Variants in CLYBL observed in about 807,000 individuals in gnomAD.
CLYBL encodes the protein citramalyl-CoA lyase.
A neutral mutation model predicts 38.9 loss-of-function variants in CLYBL; 31 were observed. That is an observed-to-expected ratio of 0.80 (90% confidence interval 0.60 to 1.08). The LOEUF (loss-of-function observed/expected upper bound fraction) is 1.08. CLYBL is among the 50% of genes least tolerant of loss of function. The pLI is 0.00. For missense variants in CLYBL, 434 were observed against 411.6 expected, an observed-to-expected ratio of 1.05 and a Z score of -0.47; for synonymous variants, 171 against 158.6, an observed-to-expected ratio of 1.08 and a Z score of -0.59.
chr13:99,795,801 T>C (rs1198458978), intron 2 of CLYBL, among the ~76,000 whole-genome samples: 1 of 152,136 alleles, frequency 6.6e-6, no homozygotes, highest in Admixed American at 6.5e-5. Context: ...GGAGGGTGAA[T>C]TCTTGGAGCC....
chr13:99,717,436 G>GAA lies in CLYBL; in HGVS notation c.63-55368_63-55367dup, dbSNP rs1172721313. On this transcript the variant is annotated intron_variant, in intron 1 of 8. Coordinates refer to ENST00000339105, the MANE Select transcript of CLYBL (RefSeq NM_206808.5). ...GTGAGACTCTATCTCAAAAAAATTA[G>GAA]AAAAAAAAAAAAAAAAAAAAAGAAT... is the stretch of plus-strand genomic sequence containing the variant. 1.9e-3 allele frequency among the ~76,000 whole-genome samples: 176 copies of GAA among 91,102 alleles called. 3 individuals carry two copies. Among genetic ancestry groups the GAA allele is most frequent in the African/African-American group, 6.7e-3 (170 of 25,216 alleles). The allele number at this position is 91,102 out of a possible 152,430, so 59.8% of individuals were successfully genotyped here.
At chr13:99,658,152 G>C (rs1402289142) in intron 1 of CLYBL, among the ~76,000 whole-genome samples, 1 of 152,222 alleles carries the variant, frequency 6.6e-6, no homozygotes, top group Non-Finnish European at 1.5e-5. Context: ...GCCTGCGTGC[G>C]CTCTGCAGAG....
chr13:99,745,720 A>G (rs2048838456), intron 1 of CLYBL, among the ~76,000 whole-genome samples: 1 of 152,202 alleles, frequency 6.6e-6, no homozygotes. Flanking sequence ...CATACACGTG[A>G]TTCGTGATCA....
intron 1 of CLYBL, among the ~76,000 whole-genome samples, chr13:99,722,410 A>G (rs2048407148): frequency 6.8e-6 from 1 of 146,464 alleles, no homozygotes; most frequent in South Asian, 2.3e-4. Context: ...TGAGCTACGC[A>G]TGAAACCTTT....
intron 1 of CLYBL, among the ~76,000 whole-genome samples, chr13:99,678,620 A>AAAG (rs2047687816): frequency 6.6e-6 from 1 of 152,246 alleles, no homozygotes; most frequent in South Asian, 2.1e-4. Flanking sequence ...ATGCAGATGA[A>AAAG]TTTACACCAA....
intron 1 of CLYBL, among the ~76,000 whole-genome samples, chr13:99,730,726 C>T (rs1010395418): frequency 6.6e-6 from 1 of 152,108 alleles, no homozygotes; most frequent in Non-Finnish European, 1.5e-5. Context: ...GAGGGAGCCC[C>T]AGAGGCAGTG....
At chr13:99,667,161 G>C (rs1006175976) in intron 1 of CLYBL, among the ~76,000 whole-genome samples, 2 of 151,952 alleles carry the variant, frequency 1.3e-5, no homozygotes, top group Non-Finnish European at 2.9e-5. Context: ...GGGTCTTGGG[G>C]ACTGGGGGAC....
At chr13:99,612,699 T>G (rs2046646710) in intron 1 of CLYBL, among the ~76,000 whole-genome samples, 1 of 152,044 alleles carries the variant, frequency 6.6e-6, no homozygotes, top group African/African-American at 2.4e-5. Context: ...GGGTCTACTT[T>G]CTAAATATAA....
At chr13:99,796,912 C>A (rs2050032744) in intron 2 of CLYBL, among the ~76,000 whole-genome samples, 1 of 152,158 alleles carries the variant, frequency 6.6e-6, no homozygotes, top group African/African-American at 2.4e-5. Flanking sequence ...ACCTGCTTCC[C>A]TGGTAGGCTC....
At chr13:99,757,486 G>A (rs1450648216) in intron 1 of CLYBL, among the ~76,000 whole-genome samples, 1 of 151,766 alleles carries the variant, frequency 6.6e-6, no homozygotes, top group Admixed American at 6.6e-5. Flanking sequence ...ATGGAGTTTC[G>A]CTGTTGTTGC....
At chr13:99,894,739 G>GGT (rs1198723248), downstream of CLYBL, 2 of 95,128 alleles carry the variant, frequency 2.1e-5, no homozygotes, top group Non-Finnish European at 4.4e-5. Context: ...CCTGAGGCGG[G>GGT]GGGGGGGGGG....
intron 7 of CLYBL, among the ~76,000 whole-genome samples, chr13:99,884,037 C>T (rs1270910431): frequency 6.6e-6 from 1 of 152,188 alleles, no homozygotes; most frequent in Non-Finnish European, 1.5e-5. Flanking sequence ...CACTCTGTCA[C>T]CCAGGCTGGA....
At chr13:99,643,898 G>A (rs572023696) in intron 1 of CLYBL, among the ~76,000 whole-genome samples, 2 of 151,274 alleles carry the variant, frequency 1.3e-5, no homozygotes, top group Non-Finnish European at 2.9e-5. Flanking sequence ...CCAACTTTTC[G>A]GGAGGCTGAG....
chr13:99,639,641 C>T (rs889772381), intron 1 of CLYBL, among the ~76,000 whole-genome samples: 1 of 152,180 alleles, frequency 6.6e-6, no homozygotes, highest in African/African-American at 2.4e-5. Flanking sequence ...ACCTGTAATA[C>T]CAGCACTTTG....
intron 7 of CLYBL, among the ~76,000 whole-genome samples, chr13:99,880,544 C>T (rs1040168157): frequency 2.6e-5 from 4 of 152,242 alleles, no homozygotes; most frequent in Non-Finnish European, 5.9e-5. Context: ...GTCCACATCC[C>T]TAACCTCTGC....
chr13:99,732,303 A>G (rs1239490696), intron 1 of CLYBL, among the ~76,000 whole-genome samples: 1 of 150,190 alleles, frequency 6.7e-6, no homozygotes, highest in Non-Finnish European at 1.5e-5. Context: ...CTTCCACCTC[A>G]GCGTCCCCCA....
intron 1 of CLYBL, among the ~76,000 whole-genome samples, chr13:99,659,765 G>C (rs1260915964): frequency 2.0e-5 from 3 of 152,136 alleles, no homozygotes; most frequent in Non-Finnish European, 4.4e-5. Flanking sequence ...TATAGTAATA[G>C]TCACCAGAAG....
intron 2 of CLYBL, among the ~76,000 whole-genome samples, chr13:99,780,302 CT>C (rs1429469911): frequency 2.0e-5 from 3 of 152,118 alleles, no homozygotes; most frequent in Non-Finnish European, 4.4e-5. Flanking sequence ...CATTTTCATC[CT>C]TTTGCTTTCA....
chr13:99,714,000 G>T (rs1444887897), intron 1 of CLYBL, among the ~76,000 whole-genome samples: 1 of 132,204 alleles, frequency 7.6e-6, no homozygotes, highest in Non-Finnish European at 1.6e-5. Flanking sequence ...TTGTTTGTTT[G>T]TTTTTGAGAC....
Sources: allele counts gnomAD v4.1 joint callset (sites outside exome capture counted in the v4.1 genomes callset), GRCh38; gene constraint gnomAD v4.1.1; transcripts MANE v1.5; gene names NCBI Gene and HGNC (gene_info 2026-07-23, HGNC 2026-07-21).